The following ATP2C2 variants were observed in gnomAD, a reference collection of about 807,000 sequenced individuals.
The protein encoded by ATP2C2 is ATPase secretory pathway Ca2+ transporting 2.
A neutral mutation model predicts 110.8 loss-of-function variants in ATP2C2; 171 were observed. That is an observed-to-expected ratio of 1.54 (90% CI 1.36 to 1.75). The LOEUF is 1.75. Ranked by LOEUF, ATP2C2 falls within the 40% of genes most tolerant of loss-of-function variation. ATP2C2 has a pLI of 0.00. For synonymous variants in ATP2C2, 804 were observed against 508.4 expected (o/e 1.58, Z -7.82); for missense variants, 1,963 against 1,235.0 (o/e 1.59, Z -8.84).
intron 9 of ATP2C2, 24 bp from the exon 10 acceptor site, chr16:84,423,164 A>G: frequency 1.2e-6 from 2 of 1,605,774 alleles, no homozygotes; most frequent in East Asian, 2.2e-5. Flanking sequence ...TTGTCCAACT[A>G]ACCCATTGTG....
At chr16:84,421,160 G>T (rs1907300057) in intron 7 of ATP2C2, among the ~76,000 whole-genome samples, 1 of 152,192 alleles carries the variant, frequency 6.6e-6, no homozygotes, top group South Asian at 2.1e-4. Context: ...TGTTCTTTGA[G>T]CCTCCTTCAA....
chr16:84,397,595 G>C (rs537274144), intron 1 of ATP2C2, among the ~76,000 whole-genome samples: 2 of 142,432 alleles, frequency 1.4e-5, no homozygotes, highest in African/African-American at 5.2e-5. Context: ...GATCACCTGA[G>C]CCTGGGAGGT....
chr16:84,389,577 G>A (rs1971943), intron 1 of ATP2C2, among the ~76,000 whole-genome samples: 26,021 of 152,092 alleles, frequency 0.17, 2,331 homozygotes, highest in East Asian at 0.2. Flanking sequence ...TTTCTTAAAC[G>A]CGGCAGCCCT....
chr16:84,408,465 G>A lies in ATP2C2; in HGVS notation c.388G>A (p.Glu130Lys), dbSNP rs1905976136. 6.2e-7 allele frequency: 1 copy of A among 1,613,652 alleles called. No homozygotes were observed. Among genetic ancestry groups the A allele is most frequent in the Non-Finnish European group, 8.5e-7 (1 of 1,179,992 alleles). Reference sequence around the variant, plus strand: ...TGCCCTGGTGAGTGTCCTCACCAAGGAGTATGAGGACGCCGTCAGCATCGC... The same window carrying A: ...TGCCCTGGTGAGTGTCCTCACCAAGAAGTATGAGGACGCCGTCAGCATCGC... ...GSALVSVLTK[E>K]YEDAVSIATA... The change falls in exon 4 of 27, where the codon GAG becomes AAG. Residue 130 changes from glutamate to lysine, a missense_variant. Transcript: ENST00000262429.
Position 84,423,200 on chromosome 16 carries a change from C to T in ATP2C2, c.856C>T (p.Pro286Ser), listed in dbSNP as rs901392520. 1 of 1,613,958 alleles carries T rather than the reference C, an allele frequency of 6.2e-7. No individual in the cohort carries two copies. Among genetic ancestry groups the T allele is most frequent in the African/African-American group, 1.3e-5 (1 of 74,902 alleles). Residue 286 changes from proline (P) to serine (S), a missense_variant, in exon 10 of 27, where the codon CCT becomes TCT. Pro to Ser is a moderately conservative substitution (Grantham distance 74). Transcript: ENST00000262429. ...CTCACCCTTTCAGACACCTAAAACT[C>T]CTTTGCAGAAAAGCATGGACAGGCT... is the stretch of plus-strand genomic sequence containing the variant. Reference protein sequence around the residue: ...MMQAEETPKTPLQKSMDRLGK... With the variant: ...MMQAEETPKTSLQKSMDRLGK...
chr16:84,402,456 T>C (rs1439642879), intron 2 of ATP2C2, among the ~76,000 whole-genome samples: 1 of 152,234 alleles, frequency 6.6e-6, no homozygotes, highest in Non-Finnish European at 1.5e-5. Flanking sequence ...ATATGGCTTT[T>C]ATTACATTGA....
chr16:84,418,439 C>T (rs547944480), intron 7 of ATP2C2, among the ~76,000 whole-genome samples: 3 of 152,320 alleles, frequency 2.0e-5, no homozygotes, highest in Admixed American at 2.0e-4. Flanking sequence ...TCCGGAGGTG[C>T]CACCTGATCT....
At chr16:84,404,881 T>G in intron 2 of ATP2C2, 3 of 597,180 alleles carry the variant, frequency 5.0e-6, no homozygotes, top group Non-Finnish European at 6.3e-6. Context: ...TGCATTTCCA[T>G]TTGTTGAAAT....
chr16:84,388,607 A>C (rs1196275745), intron 1 of ATP2C2, among the ~76,000 whole-genome samples: 1 of 152,188 alleles, frequency 6.6e-6, no homozygotes, highest in East Asian at 1.9e-4. Context: ...CATCTGCCTG[A>C]GTGTGGCTTA....
chr16:84,424,596 T>TTTTTTTTTTTTG, intron 10 of ATP2C2, among the ~76,000 whole-genome samples: 1 of 122,064 alleles, frequency 8.2e-6, no homozygotes, highest in African/African-American at 2.9e-5. Flanking sequence ...TTTTTTTTTT[T>TTTTTTTTTTTTG]TTTAACATTT....
chr16:84,368,824 C>A, intron 1 of ATP2C2, 110 bp downstream of exon 1: 1 of 914,314 alleles, frequency 1.1e-6, no homozygotes, highest in South Asian at 1.6e-5. Context: ...GCGAACTCGC[C>A]CTCCTCCCCT....
At chr16:84,416,203 G>C (rs1246072280) in intron 7 of ATP2C2, among the ~76,000 whole-genome samples, 1 of 152,168 alleles carries the variant, frequency 6.6e-6, no homozygotes, top group South Asian at 2.1e-4. Flanking sequence ...GGGGACATTG[G>C]CTGTGGGGCA....
chr16:84,455,093 C>A (rs1055230405), intron 21 of ATP2C2, 109 bp downstream of exon 21: 2 of 1,383,714 alleles, frequency 1.4e-6, no homozygotes. Context: ...GCGGAGTCCC[C>A]AGGGAGAGCT....
intron 23 of ATP2C2, 73 bp downstream of exon 23, chr16:84,459,459 G>A (rs555962322): frequency 3.1e-6 from 5 of 1,602,852 alleles, no homozygotes; most frequent in East Asian, 2.2e-5. Context: ...GCTGCTGGCT[G>A]TGCCCCAAGG....
Position 84,452,032 on chromosome 16 carries a change from A to G in ATP2C2, c.1772A>G (p.Glu591Gly). 1 of 1,612,576 alleles carries G rather than the reference A, an allele frequency of 6.2e-7. No individual in the cohort carries two copies. The highest frequency in any genetic ancestry group is 8.5e-7 in the Non-Finnish European group (1 of 1,179,818). ...GVKEAVQVLS[E>G]SGVSVKMITG... is the part of the protein sequence containing the mutation. ...AAGGAAGCAGTCCAGGTTCTCTCCG[A>G]GTCTGGTGTGTCTGTGAAGATGATA... Residue 591 changes from glutamate (E) to glycine (G), a missense_variant, in exon 18 of 27, where the codon GAG (glutamate) becomes GGG (glycine). Glu to Gly is a moderately conservative substitution (Grantham distance 98, BLOSUM62 -2). Transcript: ENST00000262429.
intron 15 of ATP2C2, among the ~76,000 whole-genome samples, chr16:84,443,332 C>A (rs991379913): frequency 1.3e-5 from 2 of 152,194 alleles, no homozygotes; most frequent in East Asian, 3.9e-4. Context: ...CCCTCCTCTT[C>A]AGCCAGAGCT....
In ATP2C2 at chr16:84,459,323, GC is replaced by G; in HGVS notation, c.2275del (p.Leu759SerfsTer23). 6.2e-7 allele frequency: 1 copy of G among 1,614,190 alleles called. No individual in the cohort carries two copies. On this transcript the variant is annotated frameshift_variant, in exon 23 of 27. Coordinates refer to ENST00000262429, the MANE Select transcript of ATP2C2 (RefSeq NM_014861.4). LOFTEE classifies it high-confidence loss of function. ...ITLSTVFNLP[S>X]PLNAMQILWI... ...CTGTCCACCGTGTTCAACCTGCCCA[GC>G]CCCCTCAACGCCATGCAGATCCTAT...
intron 14 of ATP2C2, among the ~76,000 whole-genome samples, 160 bp from the exon 15 acceptor site, chr16:84,442,350 A>G (rs980922990): frequency 6.6e-6 from 1 of 152,168 alleles, no homozygotes; most frequent in Non-Finnish European, 1.5e-5. Context: ...CAGCCAAGAA[A>G]TAGTCACGAT....
At position 84,425,791 on chromosome 16, in the gene ATP2C2, ATCGGGG is replaced by A; in HGVS notation, c.979_984del (p.Gly327_Val328del). ...GAAACAACTCCTGAGTATGTTCACG[ATCGGGG>A]TCAGGTAAGAGTGCTATGGCCGCCC... On this transcript the variant is annotated inframe_deletion, in exon 11 of 27. Transcript: ENST00000262429. The A allele has an allele frequency of 6.2e-7, 1 of 1,614,140 alleles. No individual in the cohort carries two copies. Among genetic ancestry groups the A allele is most frequent in the Non-Finnish European group, 8.5e-7 (1 of 1,180,030 alleles).
Sources: allele counts gnomAD v4.1 joint callset (sites outside exome capture counted in the v4.1 genomes callset), GRCh38; gene constraint gnomAD v4.1.1; transcripts MANE v1.5; gene names NCBI Gene and HGNC (gene_info 2026-07-23, HGNC 2026-07-21).